DCDC2C: variants seen among roughly 807,000 people sequenced by gnomAD.
The protein encoded by DCDC2C is doublecortin domain-containing protein 2C.
In DCDC2C, 44 loss-of-function variants were observed where a neutral mutation model predicts 45.0. The ratio of observed to expected loss-of-function variants is 0.98; its 90% CI spans 0.77 to 1.26. The LOEUF is 1.26. DCDC2C is among the 50% of genes most tolerant of loss of function. The probability of loss-of-function intolerance (pLI) is 0.00; values close to 1 mark genes in which losing one functional copy is unlikely to be tolerated. For synonymous variants in DCDC2C, 187 were observed against 178.8 expected, an observed-to-expected ratio of 1.05 and a Z score of -0.37; for missense variants, 447 against 468.9, an observed-to-expected ratio of 0.95 and a Z score of 0.43.
chr2:3,800,267 C>T (rs1342025919), intron 10 of DCDC2C, among the ~76,000 whole-genome samples: 1 of 152,210 alleles, frequency 6.6e-6, no homozygotes, highest in Non-Finnish European at 1.5e-5. Context: ...CGCCCACTGT[C>T]TGGCACTCCC....
intron 10 of DCDC2C, among the ~76,000 whole-genome samples, chr2:3,833,555 G>A (rs1014574306): frequency 6.6e-6 from 1 of 152,128 alleles, no homozygotes; most frequent in African/African-American, 2.4e-5. Context: ...CAAAATATTG[G>A]CTCACCTTTT....
chr2:3,724,232 A>G (rs112534283), intron 2 of DCDC2C, among the ~76,000 whole-genome samples: 3,878 of 152,254 alleles, frequency 0.025, 158 homozygotes, highest in African/African-American at 0.087. Context: ...GATTTGACCA[A>G]TTCCAAAGCC....
intron 10 of DCDC2C, among the ~76,000 whole-genome samples, chr2:3,827,749 G>T (rs560995160): frequency 3.9e-5 from 6 of 152,104 alleles, no homozygotes; most frequent in African/African-American, 7.2e-5. Flanking sequence ...CAAGAAAAGT[G>T]GTTCCCCTAG....
rs1166097657 is a variant in DCDC2C, at chr2:3,815,096, C to T, written c.1065+29996C>T. 2.0e-5 allele frequency among the ~76,000 whole-genome samples: 3 copies of T among 152,232 alleles called. No individual in the cohort carries two copies. The East Asian group carries it at 5.8e-4, about 29-fold the overall frequency. On this transcript the variant is annotated intron_variant, in intron 10 of 10. Transcript: ENST00000399143. ...GAGTTCAGTAGGCTTAAGCAGATTCCAGCTGAGAGGCTGTTAAGAGTACAT... is the reference window on the plus strand; with the variant it reads ...GAGTTCAGTAGGCTTAAGCAGATTCTAGCTGAGAGGCTGTTAAGAGTACAT...
intron 1 of DCDC2C, among the ~76,000 whole-genome samples, chr2:3,707,568 G>A (rs1315017110): frequency 1.3e-5 from 2 of 152,196 alleles, no homozygotes; most frequent in African/African-American, 4.8e-5. Flanking sequence ...GAGAACTCAT[G>A]TAATAATATG....
intron 10 of DCDC2C, among the ~76,000 whole-genome samples, chr2:3,786,428 G>T (rs1300551823): frequency 2.3e-5 from 1 of 43,754 alleles, no homozygotes; most frequent in Non-Finnish European, 4.3e-5. Flanking sequence ...GGTGTGTCCC[G>T]CCTGTGCACG....
intron 10 of DCDC2C, among the ~76,000 whole-genome samples, chr2:3,793,716 C>T (rs533858235): frequency 1.6e-4 from 24 of 152,302 alleles, no homozygotes; most frequent in East Asian, 3.9e-4. Flanking sequence ...CTATCAGGCA[C>T]GCCACATTCT....
chr2:3,846,165 T>G (rs1672323500), intron 10 of DCDC2C, among the ~76,000 whole-genome samples: 2 of 151,834 alleles, frequency 1.3e-5, no homozygotes, highest in South Asian at 4.2e-4. Flanking sequence ...TCCTACTTCT[T>G]CTTCGTCATC....
chr2:3,721,319 GGT>G (rs1416148120), intron 2 of DCDC2C, among the ~76,000 whole-genome samples: 3 of 152,038 alleles, frequency 2.0e-5, no homozygotes, highest in African/African-American at 7.2e-5. Context: ...CCTGCTGCAG[GGT>G]TGTTCAGCAG....
At chr2:3,833,430 A>G (rs1421300454) in intron 10 of DCDC2C, among the ~76,000 whole-genome samples, 3 of 152,188 alleles carry the variant, frequency 2.0e-5, no homozygotes, top group Non-Finnish European at 1.5e-5. Context: ...TTTGGACACA[A>G]GTAGGTCTTT....
chr2:3,844,020 G>A (rs577913931), intron 10 of DCDC2C, among the ~76,000 whole-genome samples: 1 of 152,010 alleles, frequency 6.6e-6, no homozygotes, highest in Admixed American at 6.6e-5. Flanking sequence ...TGACTTAGGT[G>A]GCTACTAGAT....
intron 10 of DCDC2C, among the ~76,000 whole-genome samples, chr2:3,823,073 T>G (rs1671733225): frequency 3.9e-5 from 6 of 152,178 alleles, no homozygotes; most frequent in Admixed American, 3.9e-4. Flanking sequence ...CTTTTGTAAA[T>G]CTCCCAGTCT....
intron 10 of DCDC2C, among the ~76,000 whole-genome samples, chr2:3,788,872 T>A: frequency 1.6e-5 from 1 of 62,238 alleles, no homozygotes; most frequent in Non-Finnish European, 3.1e-5. Context: ...CCTCCCTCCC[T>A]CTCTCTCTCT....
intron 10 of DCDC2C, among the ~76,000 whole-genome samples, chr2:3,803,353 G>T (rs11675498): frequency 0.21 from 31,638 of 151,626 alleles, 3,532 homozygotes; most frequent in South Asian, 0.36. Context: ...TCACATCTCA[G>T]TGCTGGCTTC....
chr2:3,786,175 C>T (rs1228921330), intron 10 of DCDC2C, among the ~76,000 whole-genome samples: 2 of 152,212 alleles, frequency 1.3e-5, no homozygotes, highest in African/African-American at 2.4e-5. Context: ...TGTGTCCCAC[C>T]GAGCACTGAG....
At chr2:3,759,676 G>A (rs550828021) in intron 6 of DCDC2C, among the ~76,000 whole-genome samples, 26 of 152,288 alleles carry the variant, frequency 1.7e-4, no homozygotes, top group African/African-American at 6.0e-4. Flanking sequence ...CTCTAGACGA[G>A]CACATTTATT....
At chr2:3,828,274 C>G (rs931458688) in intron 10 of DCDC2C, among the ~76,000 whole-genome samples, 1 of 152,166 alleles carries the variant, frequency 6.6e-6, no homozygotes, top group Non-Finnish European at 1.5e-5. Flanking sequence ...ACAATAGAAA[C>G]AGCAGAAATT....
At chr2:3,783,592 T>G (rs1244091437) in intron 9 of DCDC2C, among the ~76,000 whole-genome samples, 1 of 152,274 alleles carries the variant, frequency 6.6e-6, no homozygotes, top group African/African-American at 2.4e-5. Flanking sequence ...TTCATTTTGG[T>G]GTCATCGTTA....
At chr2:3,796,453 C>G (rs1486658163) in intron 10 of DCDC2C, among the ~76,000 whole-genome samples, 2 of 115,064 alleles carry the variant, frequency 1.7e-5, no homozygotes, top group Admixed American at 8.7e-5. Context: ...TGCCAGTTTT[C>G]AAAGGGAATG....
Sources: allele counts gnomAD v4.1 joint callset (sites outside exome capture counted in the v4.1 genomes callset), GRCh38; gene constraint gnomAD v4.1.1; transcripts MANE v1.5; gene names NCBI Gene and HGNC (gene_info 2026-07-23, HGNC 2026-07-21).